KIF3C: variants seen among roughly 807,000 people sequenced by gnomAD.
The protein encoded by KIF3C is kinesin-like protein KIF3C.
Under a neutral mutation model 67.7 loss-of-function variants are expected in KIF3C, and 12 were observed. The observed-to-expected ratio is 0.18, with a 90% CI of 0.11 to 0.29. The LOEUF (loss-of-function observed/expected upper bound fraction) is 0.29, where lower values mean the gene tolerates loss of function less well. Ranked by LOEUF, KIF3C falls within the 10% of genes least tolerant of loss-of-function variation. KIF3C has a pLI of 1.00. For missense variants in KIF3C, 789 were observed against 1,059.6 expected (o/e 0.74, Z 3.55); for synonymous variants, 393 against 426.2 (o/e 0.92, Z 0.96).
chr2:25,936,306 G>T (rs763678195), intron 5 of KIF3C, among the ~76,000 whole-genome samples: 10 of 152,132 alleles, frequency 6.6e-5, no homozygotes, highest in Admixed American at 1.3e-4. Context: ...GTCCCCAAGT[G>T]TTGGGATTAC....
chr2:25,948,332 C>T (rs989742941), intron 5 of KIF3C, among the ~76,000 whole-genome samples: 3 of 151,990 alleles, frequency 2.0e-5, no homozygotes, highest in South Asian at 4.2e-4. Context: ...GGAGGGGGAT[C>T]GCTTAAGCCC....
intron 5 of KIF3C, among the ~76,000 whole-genome samples, chr2:25,946,083 A>C (rs1023818396): frequency 2.0e-5 from 3 of 152,178 alleles, no homozygotes; most frequent in African/African-American, 7.2e-5. Context: ...ACTGCACTAC[A>C]GTCTGGGTGA....
chr2:25,969,393 T>C (rs946956951), intron 1 of KIF3C, among the ~76,000 whole-genome samples: 2 of 152,112 alleles, frequency 1.3e-5, no homozygotes, highest in South Asian at 2.1e-4. Context: ...TTTTTAAAAG[T>C]GGGTGATGGG....
At chr2:25,967,034 C>A (rs1664160240) in intron 1 of KIF3C, among the ~76,000 whole-genome samples, 1 of 152,208 alleles carries the variant, frequency 6.6e-6, no homozygotes, top group African/African-American at 2.4e-5. Flanking sequence ...TTCTCTGTTC[C>A]ATGGCTTTCT....
chr2:25,974,202 TGG>T (rs796646152), intron 1 of KIF3C, among the ~76,000 whole-genome samples: 8 of 152,192 alleles, frequency 5.3e-5, no homozygotes, highest in African/African-American at 1.9e-4. Flanking sequence ...CCTGAGCAGC[TGG>T]GACTACAGAC....
At chr2:25,966,298 G>T (rs1348719420) in intron 1 of KIF3C, among the ~76,000 whole-genome samples, 1 of 151,936 alleles carries the variant, frequency 6.6e-6, no homozygotes, top group Non-Finnish European at 1.5e-5. Context: ...TAGAGATGGG[G>T]TTTCACCATG....
At chr2:25,962,845 T>A (rs1389424564) in intron 1 of KIF3C, among the ~76,000 whole-genome samples, 17 of 63,764 alleles carry the variant, frequency 2.7e-4, no homozygotes, top group African/African-American at 1.2e-3. Flanking sequence ...AAATATATAA[T>A]ATATAATATA....
In KIF3C at chr2:25,951,879, G is replaced by A. The variant is rs199704820; in HGVS notation, c.1916C>T (p.Pro639Leu). The change falls in exon 5 of 8, where the codon CCG (proline) becomes CTG (leucine). Residue 639 changes from proline (P) to leucine (L), a missense_variant. Pro to Leu is a moderately conservative substitution (Grantham distance 98). Transcript: ENST00000264712. ...LKYLIIENFI[P>L]PEEKNKIMNR... Reference sequence around the variant, plus strand: ...CATGATCTTGTTCTTCTCCTCCGGCGGGATGAAGTTCTCGATGATTAGGTA... The same window carrying A: ...CATGATCTTGTTCTTCTCCTCCGGCAGGATGAAGTTCTCGATGATTAGGTA... The A allele has an allele frequency of 2.5e-6, 4 of 1,613,828 alleles. No homozygotes were observed. Among genetic ancestry groups the A allele is most frequent in the African/African-American group, 1.3e-5 (1 of 75,046 alleles).
At chr2:25,977,261 G>A (rs1358503666) in intron 1 of KIF3C, among the ~76,000 whole-genome samples, 2 of 152,160 alleles carry the variant, frequency 1.3e-5, no homozygotes, top group Non-Finnish European at 2.9e-5. Flanking sequence ...GTGGCAGGCA[G>A]GGAGAGCTGG....
In KIF3C at chr2:25,980,430, C is replaced by T; in HGVS notation, c.1488G>A (p.Met496Ile). The T allele has an allele frequency of 6.2e-7, 1 of 1,614,132 alleles. No homozygotes were observed. The highest frequency in any genetic ancestry group is 8.5e-7 in the Non-Finnish European group (1 of 1,180,026). Reference protein sequence around the residue: ...KQKLLEEKEKMLEDLRREQQA... With the variant: ...KQKLLEEKEKILEDLRREQQA... ...GCTGTTCCCGCCGCAGGTCCTCCAGCATCTTCTCCTTCTCCTCCAGCAGCT... is the reference window on the plus strand; with the variant it reads ...GCTGTTCCCGCCGCAGGTCCTCCAGTATCTTCTCCTTCTCCTCCAGCAGCT... Residue 496 changes from methionine to isoleucine, a missense_variant, in exon 1 of 8, where the codon ATG becomes ATA. By Grantham distance (10) the Met-to-Ile change is conservative. Transcript: ENST00000264712. This position sits in a 1 kb window ranked among gnomAD's most constrained non-coding sequence, Gnocchi z 7.6.
At chr2:25,962,810 A>T (rs1221936888) in intron 1 of KIF3C, among the ~76,000 whole-genome samples, 9 of 80,586 alleles carry the variant, frequency 1.1e-4, no homozygotes, top group African/African-American at 5.1e-4. Context: ...ATAATATATA[A>T]TATATATAAT....
chr2:25,928,733 G>A lies in KIF3C; in HGVS notation c.*245C>T. ...AAGAGGCTACGCAGTGACCACGGTA[G>A]GCCCAGACGGCTCAGGCGAGGGCAT... On this transcript the variant is annotated 3_prime_UTR_variant, in exon 8 of 8. Coordinates refer to ENST00000264712, the MANE Select transcript of KIF3C (RefSeq NM_002254.8). The A allele has an allele frequency of 4.6e-6, 2 of 435,636 alleles. No homozygotes were observed. The highest frequency in any genetic ancestry group is 2.9e-5 in the South Asian group (1 of 34,208). The allele number at this position is 435,636 out of a possible 1,614,324, so 27.0% of individuals were successfully genotyped here.
intron 1 of KIF3C, among the ~76,000 whole-genome samples, chr2:25,976,906 G>C (rs1179267625): frequency 1.3e-5 from 2 of 152,060 alleles, no homozygotes; most frequent in Non-Finnish European, 2.9e-5. Flanking sequence ...CAAATATTTG[G>C]GTTTTCACTG....
chr2:25,930,353 A>G (rs1000708733), intron 5 of KIF3C, among the ~76,000 whole-genome samples: 7 of 151,978 alleles, frequency 4.6e-5, no homozygotes, highest in Admixed American at 3.3e-4. Context: ...CTATTAGAGT[A>G]TATTGTGTTT....
chr2:25,964,400 C>A (rs1664090076), intron 1 of KIF3C, among the ~76,000 whole-genome samples: 1 of 152,100 alleles, frequency 6.6e-6, no homozygotes, highest in South Asian at 2.1e-4. Flanking sequence ...TTAAGGTGGT[C>A]TTTGTGGAGG....
At chr2:25,957,208 C>T (rs1026717952) in intron 1 of KIF3C, among the ~76,000 whole-genome samples, 9 of 152,288 alleles carry the variant, frequency 5.9e-5, no homozygotes, top group Non-Finnish European at 8.8e-5. Flanking sequence ...TATTCTCCTC[C>T]GCATTTAATA....
chr2:25,980,255 T>C lies in KIF3C; in HGVS notation c.1545+118A>G. The C allele has an allele frequency of 1.2e-6, 1 of 806,350 alleles. No individual in the cohort carries two copies. Among genetic ancestry groups the C allele is most frequent in the Non-Finnish European group, 1.9e-6 (1 of 518,432 alleles). 49.9% of individuals were successfully genotyped at this position (806,350 alleles called of 1,614,324 possible). On this transcript the variant is annotated intron_variant, in intron 1 of 7. Coordinates refer to ENST00000264712, the MANE Select transcript of KIF3C (RefSeq NM_002254.8). This position sits in a 1 kb window ranked among gnomAD's most constrained non-coding sequence, Gnocchi z 7.6. ...GGGCACATTTGGCAGGAGGGCAGTG[T>C]GCGGTGCTGAGGGAGAACCTCCACT...
At chr2:25,964,861 C>A (rs1664101758) in intron 1 of KIF3C, among the ~76,000 whole-genome samples, 1 of 152,016 alleles carries the variant, frequency 6.6e-6, no homozygotes, top group African/African-American at 2.4e-5. Flanking sequence ...CTGCTGAGTC[C>A]CCAAGTCCCA....
chr2:25,981,053 C>T lies in KIF3C; in HGVS notation c.865G>A (p.Glu289Lys). ...AATGAGAGGTTGATTTTGGAGGCTT[C>T]CTTAGGCCTCTCTCCACCAGCACCA... ...GGGAGGERPK[E>K]ASKINLSLSA... Residue 289 changes from glutamate to lysine, a missense_variant, in exon 1 of 8, where the codon GAA becomes AAA. Around this residue, in one of 2 missense-constraint regions of KIF3C, gnomAD observed 648 missense variants for 807.8 expected, o/e 0.80. Transcript: ENST00000264712. This position sits in a 1 kb window ranked among gnomAD's most constrained non-coding sequence, Gnocchi z 8.2. 1 of 1,614,174 alleles carries T rather than the reference C, an allele frequency of 6.2e-7. No homozygotes were observed.
Sources: allele counts gnomAD v4.1 joint callset (sites outside exome capture counted in the v4.1 genomes callset), GRCh38; gene constraint gnomAD v4.1.1; regional missense constraint gnomAD v4.1.1; non-coding constraint Gnocchi (gnomAD v3.1); transcripts MANE v1.5; gene names NCBI Gene and HGNC (gene_info 2026-07-23, HGNC 2026-07-21).